PGM1: variants seen among roughly 807,000 people sequenced by gnomAD.
PGM1 encodes the protein phosphoglucomutase 1, also known as phosphoglucomutase-1.
A neutral mutation model predicts 55.6 loss-of-function variants in PGM1; 52 were observed. That is an observed-to-expected ratio of 0.94 (90% CI 0.75 to 1.18). The LOEUF (loss-of-function observed/expected upper bound fraction) is 1.18. Among genes scored for constraint, PGM1 ranks in the 50% most tolerant of loss-of-function variants. The pLI is 0.00. For missense variants in PGM1, 724 were observed against 729.3 expected (o/e 0.99, Z 0.08); for synonymous variants, 287 against 271.7 (o/e 1.06, Z -0.55).
At chr1:63,613,092 G>A (rs1648611133) in intron 1 of PGM1, among the ~76,000 whole-genome samples, 2 of 151,974 alleles carry the variant, frequency 1.3e-5, no homozygotes, top group South Asian at 4.1e-4. Context: ...GAGGAAGCTT[G>A]TTTGTGTATA....
chr1:63,594,047 G>A, intron 1 of PGM1: 1 of 1,090,584 alleles, frequency 9.2e-7, no homozygotes, highest in Non-Finnish European at 1.1e-6. Context: ...CCCTCTCCCC[G>A]TCCCCCGCCC....
At chr1:63,654,580 G>A in intron 10 of PGM1, 114 bp downstream of exon 10, 1 of 979,612 alleles carries the variant, frequency 1.0e-6, no homozygotes, top group Non-Finnish European at 1.6e-6. Context: ...GGTACCAGCT[G>A]TGCTTACTTT....
chr1:63,631,040 T>G (rs998652384), intron 3 of PGM1, among the ~76,000 whole-genome samples: 1 of 152,210 alleles, frequency 6.6e-6, no homozygotes, highest in Non-Finnish European at 1.5e-5. Flanking sequence ...TCAGAACCCC[T>G]GAATATCCAG....
chr1:63,639,889 G>A (rs1470732557), intron 7 of PGM1, among the ~76,000 whole-genome samples: 13 of 152,340 alleles, frequency 8.5e-5, no homozygotes, highest in Admixed American at 7.8e-4. Flanking sequence ...ATTTTCGAGA[G>A]TGGTAATATT....
At chr1:63,642,194 C>A (rs1464163081) in intron 7 of PGM1, among the ~76,000 whole-genome samples, 1 of 152,230 alleles carries the variant, frequency 6.6e-6, no homozygotes, top group African/African-American at 2.4e-5. Context: ...AACTTCAGGA[C>A]TGGTCCACCG....
rs1010126734 is a variant in PGM1 at position 63,651,868 on chromosome 1, T to C, written c.1464+16T>C. 2 of 1,607,854 alleles carry C rather than the reference T, an allele frequency of 1.2e-6. No homozygotes were observed. The highest frequency in any genetic ancestry group is 1.3e-5 in the African/African-American group (1 of 74,754). Reference sequence around the variant, plus strand: ...AAGAAATCAGGTAGAAACAGACCGGTGTGTAAGTGAGAGAGAGACCTCAGA... The same window carrying C: ...AAGAAATCAGGTAGAAACAGACCGGCGTGTAAGTGAGAGAGAGACCTCAGA... On this transcript the variant is annotated intron_variant, in intron 9 of 10. Transcript: ENST00000371084.
chr1:63,640,088 G>A (rs1446415200), intron 7 of PGM1, among the ~76,000 whole-genome samples: 1 of 152,188 alleles, frequency 6.6e-6, no homozygotes, highest in Non-Finnish European at 1.5e-5. Context: ...ATGCTATTCT[G>A]AGGGATACTA....
chr1:63,657,831 C>T (rs1570521908), intron 10 of PGM1, among the ~76,000 whole-genome samples: 1 of 152,340 alleles, frequency 6.6e-6, no homozygotes, highest in Middle Eastern at 3.4e-3. Context: ...GTGTTGTAGG[C>T]ATCCCTAAAA....
At chr1:63,632,205 G>A (rs1032546793) in intron 4 of PGM1, among the ~76,000 whole-genome samples, 1 of 152,124 alleles carries the variant, frequency 6.6e-6, no homozygotes, top group Admixed American at 6.5e-5. Flanking sequence ...CTTAGAAGAG[G>A]GCAAGAGCAA....
chr1:63,608,145 C>T (rs1273318999), intron 1 of PGM1, among the ~76,000 whole-genome samples: 2 of 55,096 alleles, frequency 3.6e-5, no homozygotes, highest in African/African-American at 2.1e-4. Flanking sequence ...ATGTACTCAA[C>T]TGGCATAACT....
In PGM1 at chr1:63,628,845, A is replaced by G. The variant is rs536335856; in HGVS notation, c.247-580A>G. Reference sequence around the variant, plus strand: ...TAGGCCCAGGAGGTAACCCAGGTACACTGTAACAGAAGTAGGTGTGTCTTG... The same window carrying G: ...TAGGCCCAGGAGGTAACCCAGGTACGCTGTAACAGAAGTAGGTGTGTCTTG... On this transcript the variant is annotated intron_variant, in intron 1 of 10. Transcript: ENST00000371084. 2.1e-4 allele frequency among the ~76,000 whole-genome samples: 32 copies of G among 152,304 alleles called. 1 individual carries two copies. The highest frequency in any genetic ancestry group is 7.7e-4 in the African/African-American group (32 of 41,582).
intron 1 of PGM1, among the ~76,000 whole-genome samples, chr1:63,612,124 G>A (rs1306238521): frequency 1.3e-5 from 2 of 151,888 alleles, no homozygotes; most frequent in Non-Finnish European, 2.9e-5. Flanking sequence ...GGGCATGGTG[G>A]CGCGTGCCTG....
In PGM1 at chr1:63,659,654, T is replaced by G. The variant is rs752885355; in HGVS notation, c.1668T>G (p.Thr556=). Residue 556 remains threonine, a synonymous_variant, in exon 11 of 11, where the codon ACT becomes ACG. Transcript: ENST00000371084. ...VSQLQERTGR[T]APTVIT is the part of the protein sequence containing the mutation. ...AGCTGCAGGAGAGGACGGGACGCACTGCACCCACTGTCATCACCTAAGAAG... is the reference window on the plus strand; with the variant it reads ...AGCTGCAGGAGAGGACGGGACGCACGGCACCCACTGTCATCACCTAAGAAG... 4 of 1,613,878 alleles carry G rather than the reference T, an allele frequency of 2.5e-6. No individual in the cohort carries two copies. Among genetic ancestry groups the G allele is most frequent in the Non-Finnish European group, 3.4e-6 (4 of 1,179,776 alleles).
At chr1:63,642,933 C>T (rs1210841510) in intron 7 of PGM1, among the ~76,000 whole-genome samples, 1 of 152,150 alleles carries the variant, frequency 6.6e-6, no homozygotes, top group Non-Finnish European at 1.5e-5. Flanking sequence ...GACTCTGGGA[C>T]ACATGGTGAA....
chr1:63,618,120 C>A (rs1648788544), intron 1 of PGM1, among the ~76,000 whole-genome samples: 1 of 152,156 alleles, frequency 6.6e-6, no homozygotes, highest in Admixed American at 6.5e-5. Flanking sequence ...TAAAGTAGAG[C>A]TGCTATCATT....
intron 8 of PGM1, among the ~76,000 whole-genome samples, chr1:63,649,918 C>T (rs780296360): frequency 1.3e-5 from 2 of 152,132 alleles, no homozygotes; most frequent in African/African-American, 2.4e-5. Flanking sequence ...GCACCCAACT[C>T]ATAGTAGAGA....
chr1:63,630,614 C>T (rs1649169293), intron 3 of PGM1, among the ~76,000 whole-genome samples: 1 of 152,154 alleles, frequency 6.6e-6, no homozygotes, highest in African/African-American at 2.4e-5. Context: ...TTTAGTTTTC[C>T]TCATTCAGTA....
intron 10 of PGM1, among the ~76,000 whole-genome samples, chr1:63,657,054 C>T (rs1649987554): frequency 6.6e-6 from 1 of 152,170 alleles, no homozygotes; most frequent in Admixed American, 6.5e-5. Flanking sequence ...AATCAGTTCA[C>T]TATGTATTTG....
intron 2 of PGM1, 109 bp from the exon 3 acceptor site, chr1:63,629,833 A>G: frequency 7.6e-7 from 1 of 1,313,976 alleles, no homozygotes; most frequent in Non-Finnish European, 1.1e-6. Context: ...TGCTGACTGA[A>G]TGATGAAATG....
Sources: gnomAD v4.1 joint callset for allele counts (sites outside exome capture counted in the v4.1 genomes callset) on GRCh38, gnomAD v4.1.1 for gene constraint, MANE v1.5 for transcripts, NCBI Gene and HGNC (gene_info 2026-07-23, HGNC 2026-07-21) for gene names.